The following EPB41L2 variants were observed in gnomAD, a reference collection of about 807,000 sequenced individuals.
EPB41L2 encodes band 4.1-like protein 2.
In EPB41L2, 43 loss-of-function variants were observed where a neutral mutation model predicts 113.0. The observed-to-expected ratio is 0.38, with a 90% confidence interval of 0.30 to 0.49. The LOEUF is 0.49. Ranked by LOEUF, EPB41L2 falls within the 20% of genes least tolerant of loss-of-function variation. The probability of loss-of-function intolerance (pLI) is 0.95; values close to 1 mark genes in which losing one functional copy is unlikely to be tolerated. For missense variants in EPB41L2, 1,147 were observed against 1,223.4 expected (o/e 0.94, Z 0.93); for synonymous variants, 442 against 436.7 (o/e 1.01, Z -0.15).
chr6:130,891,645 A>C (rs7773290), intron 10 of EPB41L2, among the ~76,000 whole-genome samples: 1 of 151,910 alleles, frequency 6.6e-6, no homozygotes, highest in South Asian at 2.1e-4. Context: ...GTAGAGACAC[A>C]GTTTCACCAG....
chr6:130,858,923 T>C (rs1781129493), intron 18 of EPB41L2, among the ~76,000 whole-genome samples: 1 of 152,186 alleles, frequency 6.6e-6, no homozygotes, highest in Admixed American at 6.5e-5. Context: ...ATTTGACAGT[T>C]GACAAAACTG....
At chr6:130,866,312 G>A (rs2128441015) in intron 16 of EPB41L2, among the ~76,000 whole-genome samples, 1 of 152,322 alleles carries the variant, frequency 6.6e-6, no homozygotes, top group Admixed American at 6.5e-5. Context: ...TTTCCAAGGG[G>A]AATCAATGAA....
At chr6:131,033,216 G>C (rs1325423744) in intron 1 of EPB41L2, among the ~76,000 whole-genome samples, 1 of 151,894 alleles carries the variant, frequency 6.6e-6, no homozygotes, top group Admixed American at 6.6e-5. Flanking sequence ...GACAGAGAAA[G>C]ACAAAGAAAG....
At chr6:130,890,175 A>G (rs1792320683) in intron 11 of EPB41L2, 119 bp downstream of exon 11, 4 of 1,018,388 alleles carry the variant, frequency 3.9e-6, no homozygotes, top group Non-Finnish European at 5.4e-6. Context: ...TTTACTCGGG[A>G]AAAAATGGCT....
chr6:131,036,036 T>C (rs1437914304), intron 1 of EPB41L2, among the ~76,000 whole-genome samples: 1 of 152,212 alleles, frequency 6.6e-6, no homozygotes, highest in Non-Finnish European at 1.5e-5. Flanking sequence ...CTGAGGCTAA[T>C]TTGCTTTGTG....
chr6:130,903,980 A>G (rs77652914), intron 6 of EPB41L2, among the ~76,000 whole-genome samples: 3,808 of 152,316 alleles, frequency 0.025, 154 homozygotes, highest in African/African-American at 0.087. Context: ...TGAACTAGCT[A>G]TTGACTCTAC....
At position 131,049,860 on chromosome 6, in the gene EPB41L2, C is replaced by T. The variant is rs929094293; in HGVS notation, c.-15+13295G>A. Among the ~76,000 whole-genome samples, 5 of 152,314 alleles carry T rather than the reference C, an allele frequency of 3.3e-5. No individual in the cohort carries two copies. In the South Asian group the frequency reaches 1.0e-3, roughly 32 times the overall value. ...ACATCTCTTTAGCTACAAAACTTGGCAGACTTCCTGAGTTTTCCAAGAAAA... is the reference window on the plus strand; with the variant it reads ...ACATCTCTTTAGCTACAAAACTTGGTAGACTTCCTGAGTTTTCCAAGAAAA... On this transcript the variant is annotated intron_variant, in intron 1 of 19. Transcript: ENST00000337057.
intron 5 of EPB41L2, among the ~76,000 whole-genome samples, chr6:130,908,119 T>C (rs916644069): frequency 2.0e-5 from 3 of 152,084 alleles, no homozygotes; most frequent in Non-Finnish European, 4.4e-5. Flanking sequence ...TTGGCACAGA[T>C]ACCAAAAAAA....
rs895286200 is a variant in EPB41L2, at chr6:131,049,491, A to G, written c.-15+13664T>C. Among the ~76,000 whole-genome samples, 5 of 152,350 alleles carry G rather than the reference A, an allele frequency of 3.3e-5. No individual in the cohort carries two copies. In the East Asian group the frequency reaches 9.6e-4, roughly 29 times the overall value. On this transcript the variant is annotated intron_variant, in intron 1 of 19. Transcript: ENST00000337057. ...AGAAAATTTTCCAAAGAAGATGTTC[A>G]TTTAGTAGCTTTTCTACCAGAGTGT...
chr6:131,028,444 A>G (rs1791350523), intron 1 of EPB41L2, among the ~76,000 whole-genome samples: 2 of 152,200 alleles, frequency 1.3e-5, no homozygotes, highest in Non-Finnish European at 2.9e-5. Context: ...GGGACATACT[A>G]GACTATATGA....
intron 12 of EPB41L2, among the ~76,000 whole-genome samples, chr6:130,884,481 C>T (rs539478614): frequency 1.3e-5 from 2 of 152,280 alleles, no homozygotes; most frequent in East Asian, 3.9e-4. Context: ...AATTCAAAGG[C>T]TTCTCAAATC....
intron 17 of EPB41L2, 93 bp downstream of exon 17, chr6:130,865,443 C>G: frequency 8.0e-7 from 1 of 1,256,178 alleles, no homozygotes; most frequent in Non-Finnish European, 1.1e-6. Flanking sequence ...CTGTATCTTA[C>G]TTGGAAGTGT....
chr6:131,035,556 T>C (rs1034094680), intron 1 of EPB41L2, among the ~76,000 whole-genome samples: 3 of 152,220 alleles, frequency 2.0e-5, no homozygotes, highest in African/African-American at 7.2e-5. Flanking sequence ...TGGGATGATG[T>C]AGTAGAAAAT....
At chr6:130,986,579 A>AT (rs1780604461) in intron 1 of EPB41L2, among the ~76,000 whole-genome samples, 2 of 150,214 alleles carry the variant, frequency 1.3e-5, no homozygotes, top group South Asian at 4.2e-4. Context: ...GAGGTATAGG[A>AT]TTTTTTTCTT....
At chr6:130,968,081 C>T (rs1022165406) in intron 1 of EPB41L2, among the ~76,000 whole-genome samples, 1 of 150,736 alleles carries the variant, frequency 6.6e-6, no homozygotes, top group African/African-American at 2.5e-5. Context: ...TCATAAAACT[C>T]GTGCCCACTT....
chr6:131,009,561 G>T (rs1271543601), intron 1 of EPB41L2, among the ~76,000 whole-genome samples: 3 of 151,276 alleles, frequency 2.0e-5, no homozygotes. Flanking sequence ...GACTTAAAAA[G>T]ATGTAACACT....
At chr6:130,873,521 T>C (rs1441073663) in intron 14 of EPB41L2, among the ~76,000 whole-genome samples, 1 of 150,506 alleles carries the variant, frequency 6.6e-6, no homozygotes, top group East Asian at 2.0e-4. Context: ...TGGAGTGCAG[T>C]GTGCCGCGAT....
intron 3 of EPB41L2, among the ~76,000 whole-genome samples, chr6:130,937,149 A>C (rs2128576532): frequency 6.6e-6 from 1 of 152,290 alleles, no homozygotes; most frequent in Middle Eastern, 3.4e-3. Flanking sequence ...TTATCACCCA[A>C]AGTCCACAGT....
chr6:131,062,158 G>T (rs1423904384), intron 1 of EPB41L2, among the ~76,000 whole-genome samples: 2 of 151,726 alleles, frequency 1.3e-5, no homozygotes, highest in Middle Eastern at 3.2e-3. Flanking sequence ...TAGACTCTAG[G>T]CAGTAGTTCT....
Sources: allele counts gnomAD v4.1 joint callset (sites outside exome capture counted in the v4.1 genomes callset), GRCh38; gene constraint gnomAD v4.1.1; transcripts MANE v1.5; gene names NCBI Gene and HGNC (gene_info 2026-07-23, HGNC 2026-07-21).